The following SEL1L2 variants were observed in gnomAD, a reference collection of about 807,000 sequenced individuals.
SEL1L2 encodes the protein protein sel-1 homolog 2.
In SEL1L2, 89 loss-of-function variants were observed where a neutral mutation model predicts 98.8. The observed-to-expected ratio is 0.90, with a 90% CI of 0.76 to 1.07. The LOEUF is 1.07. SEL1L2 is among the 50% of genes least tolerant of loss of function. The pLI, the probability that SEL1L2 is intolerant of heterozygous loss-of-function variation, is 0.00. For synonymous variants in SEL1L2, 262 were observed against 278.5 expected, an observed-to-expected ratio of 0.94 and a Z score of 0.59; for missense variants, 788 against 812.0, an observed-to-expected ratio of 0.97 and a Z score of 0.36.
rs566340408 is a variant in SEL1L2, at chr20:13,926,228, T to G, written c.283+5375A>C. Among the ~76,000 whole-genome samples, 492 of 152,158 alleles carry G rather than the reference T, an allele frequency of 3.2e-3. 7 individuals carry two copies. Among genetic ancestry groups the G allele is most frequent in the African/African-American group, 0.011 (467 of 41,506 alleles). On this transcript the variant is annotated intron_variant, in intron 3 of 19. Transcript: ENST00000284951. ...TACTCAGGAGGCTGAGGCAGGAGAA[T>G]GGCGTGAACCCTGGAGGCGGAGCTT...
intron 2 of SEL1L2, among the ~76,000 whole-genome samples, chr20:13,950,742 A>C (rs1199201839): frequency 6.6e-6 from 1 of 152,216 alleles, no homozygotes; most frequent in East Asian, 1.9e-4. Context: ...TGGGAGAGAA[A>C]GACCACGAGC....
intron 3 of SEL1L2, among the ~76,000 whole-genome samples, chr20:13,930,287 G>A (rs1358766): frequency 0.67 from 101,577 of 152,078 alleles, 34,712 homozygotes; most frequent in East Asian, 0.78. Flanking sequence ...TCCTCAATCC[G>A]GGTCTCTGCA....
At chr20:13,868,421 C>T (rs549488355) in intron 14 of SEL1L2, among the ~76,000 whole-genome samples, 6 of 152,124 alleles carry the variant, frequency 3.9e-5, no homozygotes, top group Non-Finnish European at 5.9e-5. Flanking sequence ...TCCTAGTCCC[C>T]CTGATGCTGA....
chr20:13,930,428 AG>A (rs1226073252), intron 3 of SEL1L2, among the ~76,000 whole-genome samples: 2 of 152,226 alleles, frequency 1.3e-5, no homozygotes, highest in African/African-American at 2.4e-5. Context: ...TACTGGCCCC[AG>A]GGGGAACTTT....
chr20:13,963,482 C>T (rs905988721), intron 1 of SEL1L2, among the ~76,000 whole-genome samples: 58 of 150,480 alleles, frequency 3.9e-4, no homozygotes, highest in Non-Finnish European at 5.9e-5. Flanking sequence ...TTTGGGAGGC[C>T]GAGGTGGGCA....
Position 13,913,867 on chromosome 20 carries a change from A to C in SEL1L2, c.464T>G (p.Phe155Cys), listed in dbSNP as rs1360973519. ...AMEKMADALLFGNFGVQNITA... is the reference protein window; with the variant it reads ...AMEKMADALLCGNFGVQNITA... Reference sequence around the variant, plus strand: ...TATATTTTGCACGCCAAAATTTCCAAATAGCAAAGCGTCAGCCATTTTCTC... The same window carrying C: ...TATATTTTGCACGCCAAAATTTCCACATAGCAAAGCGTCAGCCATTTTCTC... Residue 155 changes from phenylalanine (F) to cysteine (C), a missense_variant, in exon 5 of 20, where the codon TTT becomes TGT. By Grantham distance (205) the Phe-to-Cys change is radical. Transcript: ENST00000284951. 1.4e-5 allele frequency: 22 copies of C among 1,560,402 alleles called. No homozygotes were observed. Among genetic ancestry groups the C allele is most frequent in the Non-Finnish European group, 1.9e-5 (22 of 1,161,692 alleles).
rs568049752 is a variant in SEL1L2 at position 13,964,446 on chromosome 20, C to CTTTTT, written c.59-8316_59-8315insAAAAA. 2.1e-4 allele frequency among the ~76,000 whole-genome samples: 22 copies of CTTTTT among 105,348 alleles called. 1 individual carries two copies. Among genetic ancestry groups the CTTTTT allele is most frequent in the East Asian group, 2.8e-4 (1 of 3,516 alleles). The allele number at this position is 105,348 out of a possible 152,430, so 69.1% of individuals were successfully genotyped here. ...TGTGCTCTGCTATCTGCTATCTCTT[C>CTTTTT]ATTTTTTTTTTTTTTTTTTTTCTGA... On this transcript the variant is annotated intron_variant, in intron 1 of 19. Transcript: ENST00000284951.
chr20:13,898,874 C>G (rs1600667924), intron 5 of SEL1L2, among the ~76,000 whole-genome samples: 1 of 152,158 alleles, frequency 6.6e-6, no homozygotes, highest in East Asian at 1.9e-4. Context: ...TCCCGAGTAT[C>G]TGGGATTACA....
At chr20:13,863,884 C>T (rs1286599036) in intron 17 of SEL1L2, among the ~76,000 whole-genome samples, 2 of 150,994 alleles carry the variant, frequency 1.3e-5, no homozygotes, top group East Asian at 2.0e-4. Context: ...GCAGGAGAAT[C>T]ACTTGAACCC....
Position 13,919,235 on chromosome 20 carries a change from T to C in SEL1L2, c.284-112A>G, listed in dbSNP as rs986534514. On this transcript the variant is annotated intron_variant, in intron 3 of 19. Transcript: ENST00000284951. ...TATTAGAGTTCTGTTCTACTTATTTTTTAAACCTCTGCATTCAAGAAGATC... is the reference window on the plus strand; with the variant it reads ...TATTAGAGTTCTGTTCTACTTATTTCTTAAACCTCTGCATTCAAGAAGATC... 2.0e-4 allele frequency: 130 copies of C among 638,062 alleles called. No homozygotes were observed. The Middle Eastern group carries it at 2.1e-3, about 10-fold the overall frequency. 39.5% of individuals were successfully genotyped at this position (638,062 alleles called of 1,614,324 possible).
At chr20:13,859,179 T>A (rs773403211) in intron 18 of SEL1L2, 83 bp downstream of exon 18, 98 of 1,288,150 alleles carry the variant, frequency 7.6e-5, no homozygotes, top group Non-Finnish European at 1.0e-4. Context: ...ATTGATGACA[T>A]CAATGAAATT....
chr20:13,916,433 TC>T (rs1342265688), intron 4 of SEL1L2, among the ~76,000 whole-genome samples: 1 of 152,160 alleles, frequency 6.6e-6, no homozygotes, highest in Non-Finnish European at 1.5e-5. Context: ...CACAAGAACT[TC>T]ACCCAGCTTG....
intron 1 of SEL1L2, among the ~76,000 whole-genome samples, chr20:13,973,614 G>C (rs2051386287): frequency 6.6e-6 from 1 of 152,172 alleles, no homozygotes; most frequent in African/African-American, 2.4e-5. Context: ...TATGTCTCTG[G>C]CACAAATGCC....
In SEL1L2 at chr20:13,849,386, C is replaced by G. The variant is rs1264342522; in HGVS notation, c.*99G>C. 1 of 1,468,576 alleles carries G rather than the reference C, an allele frequency of 6.8e-7. No homozygotes were observed. Among genetic ancestry groups the G allele is most frequent in the Non-Finnish European group, 9.3e-7 (1 of 1,071,512 alleles). The allele number at this position is 1,468,576 out of a possible 1,614,324, so 91.0% of individuals were successfully genotyped here. ...TCCCATCACAGCCCTGAGCGGGAAA[C>G]TGCAGCGGACTCTTGATTTGGATGG... On this transcript the variant is annotated 3_prime_UTR_variant, in exon 20 of 20. Transcript: ENST00000284951.
At chr20:13,863,506 A>G (rs1990502576) in intron 17 of SEL1L2, among the ~76,000 whole-genome samples, 1 of 152,198 alleles carries the variant, frequency 6.6e-6, no homozygotes, top group Non-Finnish European at 1.5e-5. Context: ...AGTAACTGCT[A>G]AAAGGAGTAT....
At chr20:13,976,753 G>A (rs2051559216) in intron 1 of SEL1L2, among the ~76,000 whole-genome samples, 1 of 152,170 alleles carries the variant, frequency 6.6e-6, no homozygotes. Flanking sequence ...CATTAGTGTA[G>A]TTAAAAGATA....
Position 13,948,148 on chromosome 20 carries a change from G to T in SEL1L2, c.114+7928C>A, listed in dbSNP as rs983923502. On this transcript the variant is annotated intron_variant, in intron 2 of 19. Transcript: ENST00000284951. ...GACAGAAACACACCTTGTGTTCATAGATTGGAAGTCTTAATATTTCTAAGA... is the reference window on the plus strand; with the variant it reads ...GACAGAAACACACCTTGTGTTCATATATTGGAAGTCTTAATATTTCTAAGA... Among the ~76,000 whole-genome samples, 3 of 152,164 alleles carry T rather than the reference G, an allele frequency of 2.0e-5. 1 individual carries two copies. The highest frequency in any genetic ancestry group is 7.2e-5 in the African/African-American group (3 of 41,444).
At chr20:13,875,957 A>G in intron 12 of SEL1L2, 81 bp downstream of exon 12, 1 of 1,093,060 alleles carries the variant, frequency 9.1e-7, no homozygotes, top group East Asian at 2.4e-5. Flanking sequence ...TGGGACTTCG[A>G]AGTCAATTCT....
intron 8 of SEL1L2, among the ~76,000 whole-genome samples, chr20:13,886,796 G>A (rs2046976568): frequency 6.6e-6 from 1 of 151,872 alleles, no homozygotes; most frequent in Middle Eastern, 3.2e-3. Context: ...GCTGAGGCAT[G>A]AGAATCACTT....
Sources: gnomAD v4.1 joint callset for allele counts (sites outside exome capture counted in the v4.1 genomes callset) on GRCh38, gnomAD v4.1.1 for gene constraint, MANE v1.5 for transcripts, NCBI Gene and HGNC (gene_info 2026-07-23, HGNC 2026-07-21) for gene names.